The following CRISPLD2 variants were observed in gnomAD, a reference collection of about 807,000 sequenced individuals.
CRISPLD2 encodes cysteine rich secretory protein LCCL domain containing 2, also known as cysteine-rich secretory protein LCCL domain-containing 2.
CRISPLD2 carries 47 observed loss-of-function variants against 71.1 expected under a neutral mutation model. The ratio of observed to expected loss-of-function variants is 0.66; its 90% CI spans 0.52 to 0.84. The LOEUF (loss-of-function observed/expected upper bound fraction) is 0.84, where lower values mean the gene tolerates loss of function less well. Among genes scored for constraint, CRISPLD2 ranks in the 40% least tolerant of loss-of-function variants. The pLI, the probability that CRISPLD2 is intolerant of heterozygous loss-of-function variation, is 0.00. For synonymous variants in CRISPLD2, 317 were observed against 250.1 expected (o/e 1.27, Z -2.52); for missense variants, 830 against 651.1 (o/e 1.27, Z -2.99).
Position 84,907,659 on chromosome 16 carries a change from C to T in CRISPLD2, c.*1017C>T, listed in dbSNP as rs2071815933. 1 of 152,220 alleles carries T rather than the reference C, an allele frequency of 6.6e-6. No homozygotes were observed. The highest frequency in any genetic ancestry group is 1.5e-5 in the Non-Finnish European group (1 of 68,052). 9.4% of individuals were successfully genotyped at this position (152,220 alleles called of 1,614,324 possible). A position where few individuals can be genotyped will look rare whatever the true frequency, so the allele number is the denominator to read the frequency against. ...AATGACAATTAAATGTGCAGATTCC[C>T]CACGCACCCGATGACCTATTTTTTC... is the stretch of plus-strand genomic sequence containing the variant. On this transcript the variant is annotated 3_prime_UTR_variant, in exon 15 of 15. Coordinates refer to ENST00000262424, the MANE Select transcript of CRISPLD2 (RefSeq NM_031476.4).
chr16:84,868,850 G>A lies in CRISPLD2; in HGVS notation c.854-1G>A, dbSNP rs1186212975. The stretch of plus-strand genomic sequence containing the variant: ...CATGTATTCCCGCATTTCTCTCCTA[G>A]CCCAAGTCGTCAGATGTGACACCAA... On this transcript the variant is annotated splice_acceptor_variant, in intron 7 of 14. Coordinates refer to ENST00000262424, the MANE Select transcript of CRISPLD2 (RefSeq NM_031476.4). LOFTEE classifies it high-confidence loss of function. 1.2e-6 allele frequency: 2 copies of A among 1,612,110 alleles called. No homozygotes were observed. Among genetic ancestry groups the A allele is most frequent in the Non-Finnish European group, 1.7e-6 (2 of 1,179,148 alleles).
intron 8 of CRISPLD2, among the ~76,000 whole-genome samples, chr16:84,869,709 G>A (rs1346228701): frequency 1.3e-5 from 2 of 152,260 alleles, no homozygotes; most frequent in East Asian, 1.9e-4. Flanking sequence ...TCTGTGCTGG[G>A]CGAATTGGGA....
At chr16:84,856,791 A>T (rs1252797089) in intron 6 of CRISPLD2, among the ~76,000 whole-genome samples, 1 of 152,214 alleles carries the variant, frequency 6.6e-6, no homozygotes, top group Non-Finnish European at 1.5e-5. Context: ...ATGTTGGGGA[A>T]CATGGTAAAA....
At chr16:84,893,923 G>A (rs1323984229) in intron 14 of CRISPLD2, among the ~76,000 whole-genome samples, 1 of 152,242 alleles carries the variant, frequency 6.6e-6, no homozygotes, top group Non-Finnish European at 1.5e-5. Context: ...GGCGGTCACA[G>A]GCAGTCCCAA....
intron 13 of CRISPLD2, among the ~76,000 whole-genome samples, chr16:84,884,684 C>T (rs574650350): frequency 3.3e-5 from 5 of 152,254 alleles, no homozygotes; most frequent in South Asian, 2.1e-4. Context: ...ATATTGATAA[C>T]GGGGCGGTAC....
At chr16:84,905,548 A>C (rs532723587) in intron 14 of CRISPLD2, among the ~76,000 whole-genome samples, 1 of 151,556 alleles carries the variant, frequency 6.6e-6, no homozygotes, top group African/African-American at 2.4e-5. Flanking sequence ...ACAGGTGCAC[A>C]CCATCATGCC....
intron 14 of CRISPLD2, among the ~76,000 whole-genome samples, chr16:84,904,286 T>G (rs531587514): frequency 5.9e-5 from 9 of 152,018 alleles, no homozygotes; most frequent in African/African-American, 2.2e-4. Context: ...GACACAGAGA[T>G]TAAGAGAACG....
rs948681720 is a variant in CRISPLD2, at chr16:84,873,838, A to G, written c.1113-82A>G. On this transcript the variant is annotated intron_variant, in intron 10 of 14. Transcript: ENST00000262424. ...AGTCGAGACTGCAAATAAGATAAGT[A>G]TAGGAGCAAGCGTTCACTTTTAGAA... The G allele has an allele frequency of 1.5e-5, 19 of 1,287,864 alleles. No homozygotes were observed. The East Asian group carries it at 3.9e-4, about 27-fold the overall frequency. 79.8% of individuals were successfully genotyped at this position (1,287,864 alleles called of 1,614,324 possible). A position where few individuals can be genotyped will look rare whatever the true frequency, so the allele number is the denominator to read the frequency against.
intron 2 of CRISPLD2, among the ~76,000 whole-genome samples, chr16:84,843,060 G>A (rs1430553683): frequency 2.6e-5 from 4 of 152,184 alleles, no homozygotes; most frequent in South Asian, 2.1e-4. Context: ...CAGGCCGCCC[G>A]GGCAGCCCAG....
In CRISPLD2 at chr16:84,850,595, G is replaced by A. The variant is rs767227669; in HGVS notation, c.520G>A (p.Gly174Ser). The part of the protein sequence containing the change: ...QIVWATTNKI[G>S]CAVNTCRKMT... ...AGTTTGGGCCACCACCAACAAGATC[G>A]GTTGTGCTGTGAACACCTGCCGGAA... The change falls in exon 5 of 15, where the codon GGT becomes AGT. Residue 174 changes from glycine (G) to serine (S), a missense_variant. By Grantham distance (56) the Gly-to-Ser change is moderately conservative. Coordinates refer to ENST00000262424, the MANE Select transcript of CRISPLD2 (RefSeq NM_031476.4). The A allele has an allele frequency of 1.9e-5, 30 of 1,614,034 alleles. No homozygotes were observed. The highest frequency in any genetic ancestry group is 2.4e-5 in the Non-Finnish European group (28 of 1,180,030).
intron 13 of CRISPLD2, among the ~76,000 whole-genome samples, chr16:84,886,109 C>T (rs1463392523): frequency 6.6e-6 from 1 of 152,142 alleles, no homozygotes; most frequent in Admixed American, 6.5e-5. Flanking sequence ...AGGCTGATCT[C>T]AAACTCCTGT....
intron 6 of CRISPLD2, among the ~76,000 whole-genome samples, chr16:84,866,480 C>T (rs905892206): frequency 1.3e-5 from 2 of 152,170 alleles, no homozygotes; most frequent in Admixed American, 1.3e-4. Context: ...AGGTGATCCG[C>T]CCACCTCAGC....
At chr16:84,892,715 C>G (rs1284569713) in intron 14 of CRISPLD2, among the ~76,000 whole-genome samples, 1 of 152,102 alleles carries the variant, frequency 6.6e-6, no homozygotes, top group African/African-American at 2.4e-5. Context: ...GTGGCTCACA[C>G]CTGTAATCCC....
intron 3 of CRISPLD2, among the ~76,000 whole-genome samples, chr16:84,847,359 A>G (rs1916941664): frequency 1.3e-5 from 2 of 152,104 alleles, no homozygotes; most frequent in South Asian, 4.1e-4. Context: ...TTTTATAAAA[A>G]CTATCTTACA....
rs1916689892 is a variant in CRISPLD2 at position 84,838,666 on chromosome 16, G to GT, written c.171_172insT (p.Glu58Ter). 2.5e-6 allele frequency: 4 copies of GT among 1,614,246 alleles called. No homozygotes were observed. In the East Asian group the frequency reaches 8.9e-5, roughly 36 times the overall value. ...GAGCCATCCCCAGGGAGGACAAGGA[G>GT]GAGATCCTCATGCTGCACAACAAGC... On this transcript the variant is annotated frameshift_variant, in exon 2 of 15. Coordinates refer to ENST00000262424, the MANE Select transcript of CRISPLD2 (RefSeq NM_031476.4). LOFTEE classifies it high-confidence loss of function.
At chr16:84,822,210 T>A (rs781522955) in intron 1 of CRISPLD2, among the ~76,000 whole-genome samples, 1 of 152,230 alleles carries the variant, frequency 6.6e-6, no homozygotes, top group Non-Finnish European at 1.5e-5. Flanking sequence ...CCCAAATCAG[T>A]GCTGGTTCTG....
chr16:84,860,590 G>A (rs945763085), intron 6 of CRISPLD2, among the ~76,000 whole-genome samples: 12 of 152,304 alleles, frequency 7.9e-5, no homozygotes, highest in African/African-American at 1.2e-4. Flanking sequence ...AAGGCTGACC[G>A]CAGCGTGGGT....
intron 12 of CRISPLD2, among the ~76,000 whole-genome samples, chr16:84,879,716 C>T (rs967891277): frequency 1.3e-5 from 2 of 151,966 alleles, no homozygotes; most frequent in African/African-American, 4.8e-5. Context: ...CCACTCATTT[C>T]CCTTCCTCCC....
intron 7 of CRISPLD2, among the ~76,000 whole-genome samples, chr16:84,867,243 T>C (rs921547844): frequency 1.3e-5 from 2 of 152,242 alleles, no homozygotes; most frequent in Non-Finnish European, 2.9e-5. Flanking sequence ...GCGAGCATTA[T>C]AGGACTTGTG....
Sources: allele counts gnomAD v4.1 joint callset (sites outside exome capture counted in the v4.1 genomes callset), GRCh38; gene constraint gnomAD v4.1.1; transcripts MANE v1.5; gene names NCBI Gene and HGNC (gene_info 2026-07-23, HGNC 2026-07-21).